CHST11: variants seen among roughly 807,000 people sequenced by gnomAD.
CHST11 encodes the protein C4S-1.
Under a neutral mutation model 30.4 loss-of-function variants are expected in CHST11, and 9 were observed. The observed-to-expected ratio is 0.30, with a 90% confidence interval of 0.18 to 0.52. The LOEUF is 0.52. Among genes scored for constraint, CHST11 ranks in the 20% least tolerant of loss-of-function variants. The probability of loss-of-function intolerance (pLI) is 0.97; values close to 1 mark genes in which losing one functional copy is unlikely to be tolerated. For synonymous variants in CHST11, 152 were observed against 187.8 expected (o/e 0.81, Z 1.56); for missense variants, 348 against 460.6 (o/e 0.76, Z 2.24).
chr12:104,674,036 G>A (rs1191150985), intron 2 of CHST11, among the ~76,000 whole-genome samples: 3 of 152,144 alleles, frequency 2.0e-5, no homozygotes, highest in South Asian at 2.1e-4. Flanking sequence ...AGTTTTAGTC[G>A]ATTTCCTCCC....
chr12:104,706,117 C>T (rs1941046004), intron 2 of CHST11, among the ~76,000 whole-genome samples: 2 of 151,536 alleles, frequency 1.3e-5, no homozygotes, highest in Admixed American at 6.6e-5. Context: ...GGTACAGTGG[C>T]TCACGCCTGT....
At chr12:104,506,681 A>G (rs1015003546) in intron 1 of CHST11, among the ~76,000 whole-genome samples, 4 of 152,184 alleles carry the variant, frequency 2.6e-5, no homozygotes, top group African/African-American at 9.6e-5. Context: ...CTGGTGTCCG[A>G]CAGAGATGGA....
At chr12:104,708,062 A>G (rs1027293342) in intron 2 of CHST11, among the ~76,000 whole-genome samples, 5 of 152,224 alleles carry the variant, frequency 3.3e-5, no homozygotes, top group African/African-American at 1.2e-4. Flanking sequence ...ATTCTGTTCC[A>G]TGCACTGACA....
rs1309982184 is a variant in CHST11, at chr12:104,757,742, T to C, written c.998T>C (p.Val333Ala). Residue 333 changes from valine to alanine, a missense_variant, in exon 3 of 3, where the codon GTC becomes GCC. Around this residue, in one of 3 missense-constraint regions of CHST11, gnomAD observed 210 missense variants for 287.2 expected, o/e 0.73. Coordinates refer to ENST00000303694, the MANE Select transcript of CHST11 (RefSeq NM_018413.6). The surrounding 1 kb of genome is among the most constrained non-coding windows in gnomAD (Gnocchi z 6.5). ...SSEHQTQLYE[V>A]YKLDFLMFNY... is the part of the protein sequence containing the mutation. ...GAGCACCAAACGCAGCTGTACGAAGTCTACAAACTCGATTTTTTAATGTTC... is the reference window on the plus strand; with the variant it reads ...GAGCACCAAACGCAGCTGTACGAAGCCTACAAACTCGATTTTTTAATGTTC... 2 of 1,614,110 alleles carry C rather than the reference T, an allele frequency of 1.2e-6. No homozygotes were observed. Among genetic ancestry groups the C allele is most frequent in the Admixed American group, 1.7e-5 (1 of 60,016 alleles).
At position 104,686,324 on chromosome 12, in the gene CHST11, A is replaced by G. The variant is rs569529805; in HGVS notation, c.205-70625A>G. 7.9e-5 allele frequency among the ~76,000 whole-genome samples: 12 copies of G among 151,544 alleles called. No homozygotes were observed. The East Asian group carries it at 2.4e-3, about 30-fold the overall frequency. ...TGGACAGCTGCTTAGCCGCTGATCC[A>G]GCGCTTGGCTGACTGATTCCAGGTG... is the stretch of plus-strand genomic sequence containing the variant. On this transcript the variant is annotated intron_variant, in intron 2 of 2. Coordinates refer to ENST00000303694, the MANE Select transcript of CHST11 (RefSeq NM_018413.6).
intron 2 of CHST11, among the ~76,000 whole-genome samples, chr12:104,612,042 T>C (rs551705861): frequency 6.6e-6 from 1 of 152,298 alleles, no homozygotes; most frequent in South Asian, 2.1e-4. Context: ...TTCCTTCCGC[T>C]CCTACCTCCT....
chr12:104,577,954 G>C (rs1028257852), intron 1 of CHST11, among the ~76,000 whole-genome samples: 4 of 152,156 alleles, frequency 2.6e-5, no homozygotes, highest in Non-Finnish European at 5.9e-5. Flanking sequence ...ATTTTTTGGT[G>C]TATTTGGGTT....
At chr12:104,609,748 G>T (rs567309735) in intron 2 of CHST11, among the ~76,000 whole-genome samples, 57 of 152,198 alleles carry the variant, frequency 3.7e-4, no homozygotes, top group Non-Finnish European at 6.8e-4. Context: ...ACAGTGGCAA[G>T]GTCAGAGTTG....
chr12:104,692,633 C>G (rs1489810165), intron 2 of CHST11, among the ~76,000 whole-genome samples: 1 of 152,056 alleles, frequency 6.6e-6, no homozygotes, highest in Non-Finnish European at 1.5e-5. Flanking sequence ...CAGTCCCTGG[C>G]CTTTTAGGAA....
intron 2 of CHST11, among the ~76,000 whole-genome samples, chr12:104,671,003 G>A (rs958665775): frequency 6.6e-6 from 1 of 152,190 alleles, no homozygotes; most frequent in African/African-American, 2.4e-5. Flanking sequence ...TTCCTGCCCT[G>A]CCTTCTGAGG....
chr12:104,561,301 C>G (rs1316797921), intron 1 of CHST11, among the ~76,000 whole-genome samples: 1 of 152,206 alleles, frequency 6.6e-6, no homozygotes, highest in Non-Finnish European at 1.5e-5. Flanking sequence ...TGCCCCCACA[C>G]TGAGGGTTGA....
chr12:104,479,740 C>A (rs947244233), intron 1 of CHST11, among the ~76,000 whole-genome samples: 1 of 152,126 alleles, frequency 6.6e-6, no homozygotes, highest in South Asian at 2.1e-4. Flanking sequence ...TGAAAATGGC[C>A]GCATGAACTT....
chr12:104,527,926 T>C (rs1225923925), intron 1 of CHST11, among the ~76,000 whole-genome samples: 1 of 152,054 alleles, frequency 6.6e-6, no homozygotes, highest in Non-Finnish European at 1.5e-5. Context: ...TTTACAACCA[T>C]CAGATCTCAT....
intron 1 of CHST11, among the ~76,000 whole-genome samples, chr12:104,461,673 T>G (rs1306241678): frequency 2.6e-5 from 4 of 152,240 alleles, no homozygotes; most frequent in Non-Finnish European, 5.9e-5. Flanking sequence ...CTATTATTTT[T>G]ATTTTTGCAA....
At chr12:104,705,861 A>G (rs1423600948) in intron 2 of CHST11, among the ~76,000 whole-genome samples, 1 of 152,040 alleles carries the variant, frequency 6.6e-6, no homozygotes, top group Non-Finnish European at 1.5e-5. Flanking sequence ...CAGAGGTTGC[A>G]GTGAGCCAAG....
chr12:104,689,063 C>T (rs1287381625), intron 2 of CHST11, among the ~76,000 whole-genome samples: 1 of 152,206 alleles, frequency 6.6e-6, no homozygotes, highest in Non-Finnish European at 1.5e-5. Flanking sequence ...CGTGAAAGAA[C>T]ATTTCTAGGA....
chr12:104,673,253 C>T (rs1209663307), intron 2 of CHST11, among the ~76,000 whole-genome samples: 2 of 152,176 alleles, frequency 1.3e-5, no homozygotes, highest in Non-Finnish European at 2.9e-5. Context: ...GAGAAGGTCA[C>T]ATTCCCAGAT....
intron 2 of CHST11, among the ~76,000 whole-genome samples, chr12:104,635,472 G>T (rs946097544): frequency 1.3e-5 from 2 of 150,740 alleles, no homozygotes; most frequent in African/African-American, 5.0e-5. Context: ...CTCATCACAG[G>T]GGGGTTGGAA....
At chr12:104,701,491 A>G (rs2039990256) in intron 2 of CHST11, among the ~76,000 whole-genome samples, 2 of 152,098 alleles carry the variant, frequency 1.3e-5, no homozygotes, top group South Asian at 4.1e-4. Context: ...AATAACCTCC[A>G]GTACGAGAGG....
Sources: allele counts gnomAD v4.1 joint callset (sites outside exome capture counted in the v4.1 genomes callset), GRCh38; gene constraint gnomAD v4.1.1; regional missense constraint gnomAD v4.1.1; non-coding constraint Gnocchi (gnomAD v3.1); transcripts MANE v1.5; gene names NCBI Gene and HGNC (gene_info 2026-07-23, HGNC 2026-07-21).